Variants in PRORP observed in about 807,000 individuals in gnomAD.
PRORP encodes protein only RNase P catalytic subunit, also known as mitochondrial ribonuclease P catalytic subunit.
A neutral mutation model predicts 59.4 loss-of-function variants in PRORP; 51 were observed. The observed-to-expected ratio is 0.86, with a 90% confidence interval of 0.69 to 1.08. The LOEUF (loss-of-function observed/expected upper bound fraction) is 1.08. Ranked by LOEUF, PRORP falls within the 50% of genes least tolerant of loss-of-function variation. The pLI is 0.00. For missense variants in PRORP, 646 were observed against 690.3 expected (o/e 0.94, Z 0.72); for synonymous variants, 231 against 245.6 (o/e 0.94, Z 0.55).
At chr14:35,174,520 GTAGGTGCT>G (rs1004807247) in intron 4 of PRORP, among the ~76,000 whole-genome samples, 29 of 152,170 alleles carry the variant, frequency 1.9e-4, no homozygotes, top group Middle Eastern at 3.4e-3. Flanking sequence ...TAGGCATGTA[GTAGGTGCT>G]CAGCAAATAT....
At chr14:35,227,033 C>T (rs942658335) in intron 5 of PRORP, among the ~76,000 whole-genome samples, 6 of 151,922 alleles carry the variant, frequency 3.9e-5, no homozygotes, top group Non-Finnish European at 2.9e-5. Context: ...CCGTGCCTGG[C>T]CCCAAGAAAA....
At chr14:35,233,935 A>G (rs1439615505) in intron 5 of PRORP, among the ~76,000 whole-genome samples, 5 of 152,224 alleles carry the variant, frequency 3.3e-5, no homozygotes, top group Non-Finnish European at 5.9e-5. Context: ...AGATTCCATT[A>G]TAATATTTTC....
chr14:35,262,794 G>A, intron 5 of PRORP: 1 of 1,336,440 alleles, frequency 7.5e-7, no homozygotes, highest in Non-Finnish European at 1.1e-6. Flanking sequence ...GTCTCTTGTT[G>A]AAATCTGAAA....
rs572493319 is a variant in PRORP, at chr14:35,258,901, C to T, written c.1276-7826C>T. ...GGTTAACTGATTTTTCTGCTTCATT[C>T]TTTCTTTTCAAAATTGTTTTAGCTA... On this transcript the variant is annotated intron_variant, in intron 5 of 7. Coordinates refer to ENST00000534898, the MANE Select transcript of PRORP (RefSeq NM_014672.4). Among the ~76,000 whole-genome samples, 7 of 152,300 alleles carry T rather than the reference C, an allele frequency of 4.6e-5. No individual in the cohort carries two copies. The South Asian group carries it at 1.4e-3, about 32-fold the overall frequency.
At chr14:35,229,998 AT>A (rs1422266092) in intron 5 of PRORP, among the ~76,000 whole-genome samples, 1 of 143,448 alleles carries the variant, frequency 7.0e-6, no homozygotes, top group East Asian at 2.0e-4. Flanking sequence ...CTGGGTACAT[AT>A]TTTTTTTCTC....
At chr14:35,199,178 TACAA>T (rs1460252799) in intron 5 of PRORP, among the ~76,000 whole-genome samples, 1 of 131,266 alleles carries the variant, frequency 7.6e-6, no homozygotes. Flanking sequence ...AAAAAAAAAA[TACAA>T]AAATTAGCTG....
intron 4 of PRORP, chr14:35,157,962 T>C (rs775547989): frequency 7.4e-5 from 15 of 203,742 alleles, no homozygotes; most frequent in Non-Finnish European, 1.4e-4. Context: ...TTCTGAAATA[T>C]GTTGTTGAGC....
intron 4 of PRORP, among the ~76,000 whole-genome samples, chr14:35,161,942 T>G (rs1209722525): frequency 6.6e-6 from 1 of 152,124 alleles, no homozygotes; most frequent in African/African-American, 2.4e-5. Context: ...TCTAGATGAT[T>G]GAGAATTTTT....
rs71435870 is a variant in PRORP at position 35,210,750 on chromosome 14, CTTTTTTTTTTTTTTTTTT to C, written c.1275+29988_1275+30005del. Among the ~76,000 whole-genome samples the C allele has an allele frequency of 2.3e-4, 8 of 34,070 alleles. No individual in the cohort carries two copies. In the Admixed American group the frequency reaches 2.4e-3, roughly 10 times the overall value. The allele number at this position is 34,070 out of a possible 152,430, so 22.4% of individuals were successfully genotyped here. A position where few individuals can be genotyped will look rare whatever the true frequency, so the allele number is the denominator to read the frequency against. ...TTTTCCTTTTCTTCTTTTCTTTTGC[CTTTTTTTTTTTTTTTTTT>C]TTTTTTTTTTTTTTAAGACAAAGTC... is the stretch of plus-strand genomic sequence containing the variant. On this transcript the variant is annotated intron_variant, in intron 5 of 7. Coordinates refer to ENST00000534898, the MANE Select transcript of PRORP (RefSeq NM_014672.4).
At chr14:35,265,507 G>A (rs933675452) in intron 5 of PRORP, among the ~76,000 whole-genome samples, 2 of 152,182 alleles carry the variant, frequency 1.3e-5, no homozygotes, top group Non-Finnish European at 2.9e-5. Context: ...CCTTTGAGGA[G>A]TTCATGTGCA....
chr14:35,266,317 C>CAA (rs35672758), intron 5 of PRORP, among the ~76,000 whole-genome samples: 4 of 126,448 alleles, frequency 3.2e-5, no homozygotes, highest in Non-Finnish European at 3.3e-5. Context: ...AACTCTGTCT[C>CAA]AAAAAAAAAA....
intron 5 of PRORP, among the ~76,000 whole-genome samples, chr14:35,241,588 A>G (rs1026704835): frequency 3.3e-5 from 5 of 152,128 alleles, no homozygotes; most frequent in African/African-American, 4.8e-5. Context: ...CTCAGTGAGA[A>G]TGTTCTTTCT....
intron 5 of PRORP, among the ~76,000 whole-genome samples, chr14:35,218,412 T>A (rs1194106633): frequency 6.9e-6 from 1 of 145,166 alleles, no homozygotes; most frequent in Non-Finnish European, 1.5e-5. Flanking sequence ...AGTAAGCTGT[T>A]CTTGTGCCAC....
intron 5 of PRORP, among the ~76,000 whole-genome samples, chr14:35,205,198 T>G (rs1248540492): frequency 6.6e-6 from 1 of 152,210 alleles, no homozygotes; most frequent in Non-Finnish European, 1.5e-5. Flanking sequence ...TGTTGTTGTT[T>G]TGAGATGGAG....
chr14:35,218,715 G>A (rs929616186), intron 5 of PRORP, among the ~76,000 whole-genome samples: 3 of 151,538 alleles, frequency 2.0e-5, no homozygotes, highest in African/African-American at 7.3e-5. Flanking sequence ...TAGTAGAGAC[G>A]GGGTTTCACC....
At chr14:35,268,342 C>CA (rs769701565) in intron 6 of PRORP, among the ~76,000 whole-genome samples, 5,694 of 50,258 alleles carry the variant, frequency 0.11, 345 homozygotes, top group Non-Finnish European at 0.16. Context: ...GAGACTGTCT[C>CA]AAAAAAAAAA....
At chr14:35,263,425 G>A (rs989503867) in intron 5 of PRORP, among the ~76,000 whole-genome samples, 7 of 152,166 alleles carry the variant, frequency 4.6e-5, no homozygotes, top group Non-Finnish European at 7.3e-5. Flanking sequence ...GGTGGCTCAC[G>A]CCTGTAATCC....
At chr14:35,242,797 C>T (rs1412381498) in intron 5 of PRORP, among the ~76,000 whole-genome samples, 1 of 152,130 alleles carries the variant, frequency 6.6e-6, no homozygotes, top group African/African-American at 2.4e-5. Context: ...ACATATTTTA[C>T]AATCCAGTGA....
At chr14:35,209,330 G>T (rs2049378038) in intron 5 of PRORP, among the ~76,000 whole-genome samples, 1 of 152,284 alleles carries the variant, frequency 6.6e-6, no homozygotes, top group Admixed American at 6.5e-5. Flanking sequence ...AGCAGTTCTA[G>T]ACCTTCAAAC....
Sources: gnomAD v4.1 joint callset for allele counts (sites outside exome capture counted in the v4.1 genomes callset) on GRCh38, gnomAD v4.1.1 for gene constraint, MANE v1.5 for transcripts, NCBI Gene and HGNC (gene_info 2026-07-23, HGNC 2026-07-21) for gene names.